The following TANC1 variants were observed in gnomAD, a reference collection of about 807,000 sequenced individuals.
The protein encoded by TANC1 is tetratricopeptide repeat, ankyrin repeat and coiled-coil containing 1.
In TANC1, 77 loss-of-function variants were observed where a neutral mutation model predicts 149.7. That is an observed-to-expected ratio of 0.51 (90% CI 0.43 to 0.62). The LOEUF (loss-of-function observed/expected upper bound fraction) is 0.62. TANC1 is among the 20% of genes least tolerant of loss of function. TANC1 has a pLI of 0.00. For missense variants in TANC1, 1,985 were observed against 2,321.8 expected (o/e 0.85, Z 2.98); for synonymous variants, 854 against 925.0 (o/e 0.92, Z 1.39).
chr2:159,127,959 C>G (rs972521685), intron 4 of TANC1, among the ~76,000 whole-genome samples: 1 of 152,258 alleles, frequency 6.6e-6, no homozygotes, highest in Non-Finnish European at 1.5e-5. Flanking sequence ...TTAGGCGTTG[C>G]ACCAATGAAT....
chr2:159,043,444 G>A (rs2040811111), intron 2 of TANC1, among the ~76,000 whole-genome samples: 1 of 152,016 alleles, frequency 6.6e-6, no homozygotes, highest in African/African-American at 2.4e-5. Flanking sequence ...AGGTATTCAA[G>A]GTATGCTATT....
In TANC1 at chr2:159,010,836, T is replaced by C. The variant is rs150694941; in HGVS notation, c.-16+9647T>C. 1.9e-4 allele frequency among the ~76,000 whole-genome samples: 29 copies of C among 152,242 alleles called. No homozygotes were observed. The East Asian group carries it at 5.6e-3, about 29-fold the overall frequency. On this transcript the variant is annotated intron_variant, in intron 2 of 26. Transcript: ENST00000263635. ...CTTATCTAAAAATGAAGGAAAGGTTTATTGGAATAATCTCCTAAAGACCAT... is the reference window on the plus strand; with the variant it reads ...CTTATCTAAAAATGAAGGAAAGGTTCATTGGAATAATCTCCTAAAGACCAT...
rs781636317 is a variant in TANC1 at position 159,079,054 on chromosome 2, T to C, written c.61+13083T>C. ...ACAATAAAATATATTTGTAGAGATA[T>C]TTAGATTTATATTGGGGGTTTTTGG... On this transcript the variant is annotated intron_variant, in intron 3 of 26. Transcript: ENST00000263635. Among the ~76,000 whole-genome samples, 71 of 152,176 alleles carry C rather than the reference T, an allele frequency of 4.7e-4. 1 individual carries two copies. The highest frequency in any genetic ancestry group is 1.2e-4 in the Non-Finnish European group (8 of 68,038).
intron 15 of TANC1, 101 bp from the exon 16 acceptor site, chr2:159,186,801 C>T: frequency 6.7e-7 from 1 of 1,500,404 alleles, no homozygotes. Context: ...TCTGCACCCT[C>T]TGCGGCAGAC....
intron 1 of TANC1, among the ~76,000 whole-genome samples, chr2:158,969,291 G>A (rs888265427): frequency 6.6e-6 from 1 of 152,246 alleles, no homozygotes; most frequent in Non-Finnish European, 1.5e-5. Context: ...TGGGGTGCGC[G>A]GGTCGCGAAG....
intron 2 of TANC1, among the ~76,000 whole-genome samples, chr2:159,045,425 G>A (rs2040964299): frequency 6.6e-6 from 1 of 152,112 alleles, no homozygotes; most frequent in Admixed American, 6.5e-5. Flanking sequence ...GAGCAAGACT[G>A]TCTCATAAAT....
At chr2:159,161,013 G>A (rs528101007) in intron 7 of TANC1, among the ~76,000 whole-genome samples, 120 of 152,108 alleles carry the variant, frequency 7.9e-4, no homozygotes, top group African/African-American at 2.7e-3. Flanking sequence ...CACAGTGTAG[G>A]GCACATGTCT....
chr2:159,087,962 C>T (rs1028792430), intron 3 of TANC1, among the ~76,000 whole-genome samples: 1 of 150,326 alleles, frequency 6.7e-6, no homozygotes, highest in African/African-American at 2.5e-5. Flanking sequence ...ATCTATAATC[C>T]AAGGAATATC....
chr2:159,122,891 A>G (rs1487678328), intron 4 of TANC1, among the ~76,000 whole-genome samples: 1 of 149,068 alleles, frequency 6.7e-6, no homozygotes, highest in Admixed American at 6.8e-5. Context: ...TTTGTTTTTT[A>G]AGTTTTAGCC....
In TANC1 at chr2:159,230,609, A is replaced by G. The variant is rs1355764477; in HGVS notation, c.5183A>G (p.Asp1728Gly). Residue 1728 changes from aspartate to glycine, a missense_variant, in exon 27 of 27, where the codon GAT (aspartate) becomes GGT (glycine). Asp to Gly is a moderately conservative substitution (Grantham distance 94). Coordinates refer to ENST00000263635, the MANE Select transcript of TANC1 (RefSeq NM_033394.3). The surrounding 1 kb of genome is among the most constrained non-coding windows in gnomAD (Gnocchi z 4.4). ...AACACGCCGTTCATGGGCATCATGG[A>G]TAAGACTGCGAGGTTCCAACAGCAG... ...PRNTPFMGIM[D>G]KTARFQQQSN... 6.2e-7 allele frequency: 1 copy of G among 1,614,094 alleles called. No individual in the cohort carries two copies. Among genetic ancestry groups the G allele is most frequent in the Non-Finnish European group, 8.5e-7 (1 of 1,180,058 alleles).
chr2:159,068,200 C>A (rs1338071882), intron 3 of TANC1, among the ~76,000 whole-genome samples: 2 of 152,190 alleles, frequency 1.3e-5, no homozygotes, highest in African/African-American at 4.8e-5. Flanking sequence ...AATTTGACCA[C>A]TCATATGTTG....
At chr2:159,037,213 A>AT (rs1333568227) in intron 2 of TANC1, among the ~76,000 whole-genome samples, 12 of 151,714 alleles carry the variant, frequency 7.9e-5, no homozygotes, top group African/African-American at 2.4e-4. Context: ...GGGTTGTTTG[A>AT]TTTTTTCTTG....
chr2:159,018,354 A>T (rs1002879330), intron 2 of TANC1, among the ~76,000 whole-genome samples: 2 of 152,194 alleles, frequency 1.3e-5, no homozygotes, highest in African/African-American at 4.8e-5. Context: ...GATGTGCCAT[A>T]TGTGGCCTTT....
At chr2:158,998,697 A>G (rs903487830) in intron 1 of TANC1, among the ~76,000 whole-genome samples, 2 of 152,182 alleles carry the variant, frequency 1.3e-5, no homozygotes, top group South Asian at 2.1e-4. Flanking sequence ...AGAAAATAGC[A>G]GCTGTTTCCT....
At chr2:159,081,011 GCCAGGC>G (rs1023210388) in intron 3 of TANC1, among the ~76,000 whole-genome samples, 1 of 152,162 alleles carries the variant, frequency 6.6e-6, no homozygotes, top group Non-Finnish European at 1.5e-5. Flanking sequence ...GGAATGGTAG[GCCAGGC>G]CCAGCAAGCC....
intron 7 of TANC1, among the ~76,000 whole-genome samples, chr2:159,160,292 A>G (rs1025038262): frequency 1.3e-5 from 2 of 152,184 alleles, no homozygotes; most frequent in African/African-American, 4.8e-5. Flanking sequence ...GCAACTATAA[A>G]CATTAGCCAG....
intron 9 of TANC1, among the ~76,000 whole-genome samples, chr2:159,169,709 T>C (rs998813974): frequency 6.6e-6 from 1 of 152,158 alleles, no homozygotes. Flanking sequence ...ATTCTTGGAC[T>C]AGGCCAGGCG....
intron 1 of TANC1, among the ~76,000 whole-genome samples, 195 bp downstream of exon 1, chr2:158,968,977 C>A (rs1359845569): frequency 6.6e-6 from 1 of 151,936 alleles, no homozygotes; most frequent in African/African-American, 2.4e-5. Flanking sequence ...TAGGCACAGA[C>A]ATGTTGGGCG....
chr2:159,041,707 A>G (rs2040651089), intron 2 of TANC1, among the ~76,000 whole-genome samples: 1 of 152,194 alleles, frequency 6.6e-6, no homozygotes, highest in Admixed American at 6.5e-5. Flanking sequence ...TCCCTTGGCT[A>G]GGAAAGGGAA....
Sources: gnomAD v4.1 joint callset for allele counts (sites outside exome capture counted in the v4.1 genomes callset) on GRCh38, gnomAD v4.1.1 for gene constraint, Gnocchi (gnomAD v3.1) non-coding constraint, MANE v1.5 for transcripts, NCBI Gene and HGNC (gene_info 2026-07-23, HGNC 2026-07-21) for gene names.